The following COP1 variants were observed in gnomAD, a reference collection of about 807,000 sequenced individuals.
COP1 encodes the protein COP1 E3 ubiquitin ligase.
COP1 carries 24 observed loss-of-function variants against 101.3 expected under a neutral mutation model. That is an observed-to-expected ratio of 0.24 (90% CI 0.17 to 0.33). COP1 has a LOEUF of 0.33. Among genes scored for constraint, COP1 ranks in the 10% least tolerant of loss-of-function variants. The pLI is 1.00. For synonymous variants in COP1, 347 were observed against 341.9 expected (o/e 1.01, Z -0.17); for missense variants, 663 against 906.2 (o/e 0.73, Z 3.45).
rs192377305 is a variant in COP1, at chr1:176,006,561, C to G, written c.1730-17082G>C. Among the ~76,000 whole-genome samples, 143 of 152,286 alleles carry G rather than the reference C, an allele frequency of 9.4e-4. 1 individual carries two copies. Among genetic ancestry groups the G allele is most frequent in the African/African-American group, 3.0e-3 (126 of 41,546 alleles). On this transcript the variant is annotated intron_variant, in intron 15 of 19. Coordinates refer to ENST00000367669, the MANE Select transcript of COP1 (RefSeq NM_022457.7). ...CAGGCCTGGTGGTGACAAAATCCCTCAGCATTTGCTGGTCTGTAAAGTATT... is the reference window on the plus strand; with the variant it reads ...CAGGCCTGGTGGTGACAAAATCCCTGAGCATTTGCTGGTCTGTAAAGTATT...
chr1:176,162,640 C>T (rs780890714), intron 5 of COP1, among the ~76,000 whole-genome samples: 3 of 152,118 alleles, frequency 2.0e-5, no homozygotes, highest in Admixed American at 6.5e-5. Flanking sequence ...GAACACTCAG[C>T]TTTTGTTAAT....
At chr1:176,043,573 T>TA in intron 13 of COP1, 137 bp downstream of exon 13, 5 of 643,332 alleles carry the variant, frequency 7.8e-6, no homozygotes, top group Non-Finnish European at 1.4e-5. Context: ...GCATTTGGTA[T>TA]TGCATAGGTG....
chr1:176,159,108 C>A (rs2149909583), intron 5 of COP1, among the ~76,000 whole-genome samples: 1 of 152,232 alleles, frequency 6.6e-6, no homozygotes, highest in Admixed American at 6.5e-5. Flanking sequence ...AAATTATGTT[C>A]TCCAACTATA....
chr1:176,032,148 T>C (rs910530459), intron 14 of COP1, among the ~76,000 whole-genome samples: 5 of 152,320 alleles, frequency 3.3e-5, no homozygotes, highest in East Asian at 1.9e-4. Context: ...AAGTTTCATA[T>C]GGAATTCTTC....
intron 10 of COP1, among the ~76,000 whole-genome samples, chr1:176,083,053 C>A (rs1047202279): frequency 2.0e-5 from 3 of 152,034 alleles, no homozygotes; most frequent in Admixed American, 6.6e-5. Flanking sequence ...AAAAATTATT[C>A]TCAGGAAATT....
chr1:176,160,208 C>T (rs991984771), intron 5 of COP1: 1 of 354,270 alleles, frequency 2.8e-6, no homozygotes, highest in South Asian at 2.1e-5. Context: ...CCAGTTCTCA[C>T]TTTCACTATG....
At chr1:176,046,803 G>A (rs1479322521) in intron 11 of COP1, among the ~76,000 whole-genome samples, 1 of 151,744 alleles carries the variant, frequency 6.6e-6, no homozygotes, top group Non-Finnish European at 1.5e-5. Context: ...TGAAGCAATT[G>A]GGTGATGACA....
At chr1:175,948,803 T>A (rs1649490949) in intron 18 of COP1, among the ~76,000 whole-genome samples, 1 of 152,140 alleles carries the variant, frequency 6.6e-6, no homozygotes, top group Non-Finnish European at 1.5e-5. Context: ...TAAAGACATG[T>A]GGGCATGGGA....
At chr1:175,958,115 T>C (rs1195491881) in intron 18 of COP1, among the ~76,000 whole-genome samples, 1 of 152,122 alleles carries the variant, frequency 6.6e-6, no homozygotes, top group African/African-American at 2.4e-5. Context: ...TACTGATGTA[T>C]ACACTTGTAA....
chr1:176,195,393 A>G (rs769200630), intron 1 of COP1, among the ~76,000 whole-genome samples: 2 of 152,250 alleles, frequency 1.3e-5, no homozygotes, highest in Non-Finnish European at 1.5e-5. Context: ...AGATGATTGA[A>G]GAATATGTAA....
At chr1:176,011,681 T>C (rs1468185312) in intron 15 of COP1, among the ~76,000 whole-genome samples, 4 of 152,136 alleles carry the variant, frequency 2.6e-5, no homozygotes, top group Non-Finnish European at 4.4e-5. Flanking sequence ...ATAACACACA[T>C]AGACATTTAT....
At chr1:176,052,076 CCACT>C (rs937563474) in intron 11 of COP1, among the ~76,000 whole-genome samples, 3 of 152,164 alleles carry the variant, frequency 2.0e-5, no homozygotes, top group African/African-American at 4.8e-5. Context: ...CATTCATTCA[CCACT>C]CACTCACTGA....
At chr1:176,065,094 A>C (rs540725560) in intron 11 of COP1, among the ~76,000 whole-genome samples, 1 of 152,290 alleles carries the variant, frequency 6.6e-6, no homozygotes, top group South Asian at 2.1e-4. Flanking sequence ...AACTAATATG[A>C]GTTTTAGTCA....
At chr1:175,985,662 A>G (rs1656941278) in intron 18 of COP1, among the ~76,000 whole-genome samples, 1 of 152,234 alleles carries the variant, frequency 6.6e-6, no homozygotes, top group African/African-American at 2.4e-5. Flanking sequence ...TTCAAAAGCC[A>G]GGGTCACAAT....
intron 14 of COP1, among the ~76,000 whole-genome samples, chr1:176,036,507 C>CAAAAAAAAA (rs77138527): frequency 8.8e-4 from 112 of 127,216 alleles, no homozygotes; most frequent in Middle Eastern, 4.0e-3. Flanking sequence ...AACAAAAAAA[C>CAAAAAAAAA]AAAAAAAAAA....
chr1:176,077,909 C>CTAAGA (rs1678348184), intron 11 of COP1, among the ~76,000 whole-genome samples: 1 of 16,592 alleles, frequency 6.0e-5, no homozygotes, highest in Non-Finnish European at 4.1e-4. Context: ...ACAATAGCCA[C>CTAAGA]AAAGAAAATA....
At chr1:176,127,565 G>GTGTA (rs1688207464) in intron 8 of COP1, among the ~76,000 whole-genome samples, 1 of 68,606 alleles carries the variant, frequency 1.5e-5, no homozygotes, top group Admixed American at 1.6e-4. Context: ...ATTCTACTGT[G>GTGTA]TGTGTGTGTG....
At chr1:176,057,085 T>C (rs749169283) in intron 11 of COP1, among the ~76,000 whole-genome samples, 7 of 152,210 alleles carry the variant, frequency 4.6e-5, no homozygotes, top group Non-Finnish European at 7.4e-5. Flanking sequence ...CCATTTTACA[T>C]AGAAAGACAA....
chr1:175,963,049 T>G (rs1651572537), intron 18 of COP1, among the ~76,000 whole-genome samples: 1 of 152,112 alleles, frequency 6.6e-6, no homozygotes. Flanking sequence ...TCTGTTATTC[T>G]TATTCCCCAG....
Sources: allele counts gnomAD v4.1 joint callset (sites outside exome capture counted in the v4.1 genomes callset), GRCh38; gene constraint gnomAD v4.1.1; transcripts MANE v1.5; gene names NCBI Gene and HGNC (gene_info 2026-07-23, HGNC 2026-07-21).